PPP3R1: variants seen among roughly 807,000 people sequenced by gnomAD.
The protein encoded by PPP3R1 is protein phosphatase 3 regulatory subunit B, alpha.
In PPP3R1, 5 loss-of-function variants were observed where a neutral mutation model predicts 22.6. That is an observed-to-expected ratio of 0.22 (90% CI 0.12 to 0.46). The LOEUF is 0.46. Among genes scored for constraint, PPP3R1 ranks in the 20% least tolerant of loss-of-function variants. The pLI is 0.99. For synonymous variants in PPP3R1, 56 were observed against 65.2 expected (o/e 0.86, Z 0.68); for missense variants, 61 against 203.2 (o/e 0.30, Z 4.25).
chr2:68,250,778 C>G (rs1295322787), intron 1 of PPP3R1, among the ~76,000 whole-genome samples: 1 of 152,180 alleles, frequency 6.6e-6, no homozygotes, highest in Non-Finnish European at 1.5e-5. Context: ...CCAGTAAGCA[C>G]TTACTCATTT....
chr2:68,226,840 G>A (rs1209418104), intron 1 of PPP3R1, among the ~76,000 whole-genome samples: 4 of 152,068 alleles, frequency 2.6e-5, no homozygotes, highest in African/African-American at 9.7e-5. Context: ...TAGAAGACCC[G>A]AATTCTTAAA....
rs764667097 is a variant in PPP3R1, at chr2:68,187,324, A to G, written c.221-10T>C. On this transcript the variant is annotated splice_polypyrimidine_tract_variant and intron_variant, in intron 3 of 5. Transcript: ENST00000234310. ...ACGCCCTCAATGAATTCTGAATAAGAGTTAAAAATGTTCACAAATCAGAAC... is the reference window on the plus strand; with the variant it reads ...ACGCCCTCAATGAATTCTGAATAAGGGTTAAAAATGTTCACAAATCAGAAC... The G allele has an allele frequency of 1.2e-6, 2 of 1,605,518 alleles. No homozygotes were observed. The highest frequency in any genetic ancestry group is 1.7e-6 in the Non-Finnish European group (2 of 1,175,040).
intron 1 of PPP3R1, among the ~76,000 whole-genome samples, chr2:68,240,276 T>C (rs895426280): frequency 5.9e-5 from 9 of 152,310 alleles, no homozygotes; most frequent in African/African-American, 1.9e-4. Flanking sequence ...TTCTGTCTTA[T>C]ACTTCACTTC....
chr2:68,242,788 G>C (rs1473941038), intron 1 of PPP3R1, among the ~76,000 whole-genome samples: 1 of 152,120 alleles, frequency 6.6e-6, no homozygotes, highest in African/African-American at 2.4e-5. Context: ...ACACTCAGGA[G>C]GATATGAAAG....
At chr2:68,236,930 G>A (rs1365423221) in intron 1 of PPP3R1, among the ~76,000 whole-genome samples, 1 of 152,132 alleles carries the variant, frequency 6.6e-6, no homozygotes, top group African/African-American at 2.4e-5. Flanking sequence ...TCTTTGGCCA[G>A]ATGTTGGTAT....
chr2:68,244,177 G>A (rs187913919), intron 1 of PPP3R1, among the ~76,000 whole-genome samples: 8 of 152,234 alleles, frequency 5.3e-5, no homozygotes, highest in Admixed American at 4.6e-4. Flanking sequence ...TTGATCAGAA[G>A]AACAAATCTG....
intron 2 of PPP3R1, among the ~76,000 whole-genome samples, chr2:68,201,790 T>G (rs563321101): frequency 6.6e-6 from 1 of 152,226 alleles, no homozygotes; most frequent in Non-Finnish European, 1.5e-5. Flanking sequence ...ACTCCGAACT[T>G]TGAATGTATT....
At chr2:68,235,015 G>A (rs893786749) in intron 1 of PPP3R1, among the ~76,000 whole-genome samples, 1 of 152,128 alleles carries the variant, frequency 6.6e-6, no homozygotes, top group African/African-American at 2.4e-5. Flanking sequence ...TAACCTGATG[G>A]TGGAACACAG....
At chr2:68,250,142 G>A (rs1010054255) in intron 1 of PPP3R1, among the ~76,000 whole-genome samples, 2 of 151,192 alleles carry the variant, frequency 1.3e-5, no homozygotes, top group African/African-American at 4.9e-5. Context: ...GTATTGGGAG[G>A]ATGAAAGAGG....
Position 68,214,507 on chromosome 2 carries a change from G to A in PPP3R1, c.43+2585C>T, listed in dbSNP as rs118053777. 1.1e-3 allele frequency among the ~76,000 whole-genome samples: 171 copies of A among 152,052 alleles called. 4 individuals are homozygous for A. The East Asian group carries it at 0.028, about 25-fold the overall frequency. ...ACTTTTCAAAAGAAGGCATACATGC[G>A]GCCAACAATCATATGAAAAAAATTC... On this transcript the variant is annotated intron_variant, in intron 2 of 5. Coordinates refer to ENST00000234310, the MANE Select transcript of PPP3R1 (RefSeq NM_000945.4).
chr2:68,202,451 G>A (rs547539759), intron 2 of PPP3R1, among the ~76,000 whole-genome samples: 9 of 151,626 alleles, frequency 5.9e-5, no homozygotes, highest in Admixed American at 5.9e-4. Flanking sequence ...TTGAGATGGA[G>A]TCTCGCTCTG....
chr2:68,218,838 C>T (rs1404636433), intron 1 of PPP3R1, among the ~76,000 whole-genome samples: 1 of 151,830 alleles, frequency 6.6e-6, no homozygotes, highest in Non-Finnish European at 1.5e-5. Context: ...TTCTCCAGTT[C>T]ACTGACCTTT....
At chr2:68,193,360 A>G (rs1674704757) in intron 2 of PPP3R1, among the ~76,000 whole-genome samples, 2 of 151,782 alleles carry the variant, frequency 1.3e-5, no homozygotes, top group South Asian at 4.2e-4. Flanking sequence ...TTCTCCAACC[A>G]CTCATTTATT....
chr2:68,232,187 G>A (rs1237976234), intron 1 of PPP3R1, among the ~76,000 whole-genome samples: 2 of 62,682 alleles, frequency 3.2e-5, no homozygotes, highest in Non-Finnish European at 5.2e-5. Context: ...ATACGTATAT[G>A]TATATACATA....
intron 3 of PPP3R1, among the ~76,000 whole-genome samples, chr2:68,187,872 C>A (rs1397888637): frequency 3.3e-5 from 5 of 150,042 alleles, no homozygotes; most frequent in African/African-American, 2.4e-5. Context: ...TTAAAACAAA[C>A]AAAAAAAAAA....
chr2:68,226,806 A>T (rs1372909926), intron 1 of PPP3R1, among the ~76,000 whole-genome samples: 1 of 152,180 alleles, frequency 6.6e-6, no homozygotes, highest in Admixed American at 6.5e-5. Context: ...AATGCGTTAA[A>T]GTACAAGGTT....
rs187552380 is a variant in PPP3R1 at position 68,181,343 on chromosome 2, A to G, written c.466-333T>C. On this transcript the variant is annotated intron_variant, in intron 5 of 5. Coordinates refer to ENST00000234310, the MANE Select transcript of PPP3R1 (RefSeq NM_000945.4). ...GGGAGTTGGAGGCTGCAGTGAGCCT[A>G]TATCGCGCCACTGCACTCCAGACTG... Among the ~76,000 whole-genome samples, 115 of 151,264 alleles carry G rather than the reference A, an allele frequency of 7.6e-4. 1 individual carries two copies. The East Asian group carries it at 0.016, about 21-fold the overall frequency.
chr2:68,226,072 C>T (rs939611417), intron 1 of PPP3R1, among the ~76,000 whole-genome samples: 1 of 152,040 alleles, frequency 6.6e-6, no homozygotes, highest in African/African-American at 2.4e-5. Context: ...GTAAAAGAAA[C>T]CAGACACAAA....
chr2:68,212,029 T>C (rs1669497361), intron 2 of PPP3R1, among the ~76,000 whole-genome samples: 3 of 152,234 alleles, frequency 2.0e-5, no homozygotes, highest in African/African-American at 7.2e-5. Flanking sequence ...TGACTTCCCA[T>C]GAATCACGAA....
Sources: gnomAD v4.1 joint callset for allele counts (sites outside exome capture counted in the v4.1 genomes callset) on GRCh38, gnomAD v4.1.1 for gene constraint, MANE v1.5 for transcripts, NCBI Gene and HGNC (gene_info 2026-07-23, HGNC 2026-07-21) for gene names.